The following PACS1 variants were observed in gnomAD, a reference collection of about 807,000 sequenced individuals.
PACS1 encodes the protein PACS-1.
In PACS1, 24 loss-of-function variants were observed where a neutral mutation model predicts 115.0. The observed-to-expected ratio is 0.21, with a 90% CI of 0.15 to 0.29. The LOEUF (loss-of-function observed/expected upper bound fraction) is 0.29, where lower values mean the gene tolerates loss of function less well. PACS1 is among the 10% of genes least tolerant of loss of function. The probability of loss-of-function intolerance (pLI) is 1.00; values close to 1 mark genes in which losing one functional copy is unlikely to be tolerated. For missense variants in PACS1, 838 were observed against 1,251.2 expected (o/e 0.67, Z 4.98); for synonymous variants, 453 against 504.5 (o/e 0.90, Z 1.37).
intron 1 of PACS1, among the ~76,000 whole-genome samples, chr11:66,143,327 G>T (rs964264529): frequency 5.9e-5 from 9 of 152,192 alleles, no homozygotes; most frequent in Non-Finnish European, 2.9e-5. Flanking sequence ...AGCATCCCCT[G>T]TTGGAGCACT....
intron 1 of PACS1, among the ~76,000 whole-genome samples, chr11:66,190,919 C>T (rs541706962): frequency 2.0e-5 from 3 of 152,194 alleles, no homozygotes; most frequent in South Asian, 2.1e-4. Flanking sequence ...GCTGAGGAGG[C>T]GGTGACGTGA....
chr11:66,165,458 TA>T (rs1223416051), intron 1 of PACS1, among the ~76,000 whole-genome samples: 4 of 152,198 alleles, frequency 2.6e-5, no homozygotes, highest in Non-Finnish European at 5.9e-5. Context: ...CCTCGACTCC[TA>T]AATCTGTCTC....
At chr11:66,150,182 T>A (rs1859205765) in intron 1 of PACS1, among the ~76,000 whole-genome samples, 1 of 152,230 alleles carries the variant, frequency 6.6e-6, no homozygotes, top group African/African-American at 2.4e-5. Context: ...AAATAGTAAT[T>A]ATTCTCTACA....
intron 1 of PACS1, among the ~76,000 whole-genome samples, chr11:66,128,356 TA>T (rs1402240517): frequency 2.0e-5 from 3 of 152,232 alleles, no homozygotes; most frequent in Non-Finnish European, 4.4e-5. Flanking sequence ...GGATACATTT[TA>T]AAAGAATATC....
chr11:66,140,412 G>A (rs1199143956), intron 1 of PACS1, among the ~76,000 whole-genome samples: 1 of 152,144 alleles, frequency 6.6e-6, no homozygotes, highest in African/African-American at 2.4e-5. Context: ...CGCGTGACCT[G>A]CCTTGCTCAC....
chr11:66,094,890 A>G (rs2134518363), intron 1 of PACS1, among the ~76,000 whole-genome samples: 1 of 152,150 alleles, frequency 6.6e-6, no homozygotes. Context: ...GGCTGGTTCA[A>G]TATACACAAA....
intron 2 of PACS1, among the ~76,000 whole-genome samples, chr11:66,209,338 G>C (rs1855018448): frequency 6.6e-6 from 1 of 151,954 alleles, no homozygotes; most frequent in African/African-American, 2.4e-5. Context: ...GCAGTAAGAG[G>C]GCTGTCTAAC....
intron 1 of PACS1, among the ~76,000 whole-genome samples, chr11:66,125,893 A>G (rs750426444): frequency 1.3e-5 from 2 of 152,004 alleles, no homozygotes; most frequent in African/African-American, 4.8e-5. Flanking sequence ...TACAAAAATT[A>G]GTCATGCATG....
intron 1 of PACS1, among the ~76,000 whole-genome samples, chr11:66,179,172 G>A (rs1235007118): frequency 6.6e-6 from 1 of 152,096 alleles, no homozygotes; most frequent in Non-Finnish European, 1.5e-5. Context: ...CATTTTCTTT[G>A]TTACTAATGA....
At chr11:66,088,969 T>C (rs1306382251) in intron 1 of PACS1, among the ~76,000 whole-genome samples, 2 of 152,234 alleles carry the variant, frequency 1.3e-5, no homozygotes, top group Non-Finnish European at 2.9e-5. Context: ...TCCTATATAT[T>C]TGATATTTTT....
At chr11:66,213,599 C>T (rs1855129232) in intron 4 of PACS1, among the ~76,000 whole-genome samples, 1 of 152,250 alleles carries the variant, frequency 6.6e-6, no homozygotes, top group Non-Finnish European at 1.5e-5. Flanking sequence ...GTGCTCGTGT[C>T]TACACACGTC....
chr11:66,231,020 A>T, intron 13 of PACS1, 80 bp downstream of exon 13: 1 of 1,542,570 alleles, frequency 6.5e-7, no homozygotes, highest in Non-Finnish European at 8.9e-7. Context: ...GCTTCCTTGG[A>T]CAGTTAGTTG....
chr11:66,077,604 C>G (rs1857418532), intron 1 of PACS1, among the ~76,000 whole-genome samples: 1 of 151,944 alleles, frequency 6.6e-6, no homozygotes, highest in South Asian at 2.1e-4. Flanking sequence ...TCATTACTTT[C>G]CTTGTGTTGA....
intron 1 of PACS1, among the ~76,000 whole-genome samples, chr11:66,074,717 A>G (rs1390007282): frequency 1.3e-5 from 2 of 152,154 alleles, no homozygotes; most frequent in Non-Finnish European, 2.9e-5. Context: ...TGCTGAGGTC[A>G]AGCCTTAATG....
chr11:66,123,393 T>C (rs1240703831), intron 1 of PACS1, among the ~76,000 whole-genome samples: 1 of 152,120 alleles, frequency 6.6e-6, no homozygotes. Context: ...GGTTTTGCCA[T>C]GTTGGCCAGG....
At chr11:66,216,804 G>A in intron 7 of PACS1, 29 bp downstream of exon 7, 2 of 1,567,204 alleles carry the variant, frequency 1.3e-6, no homozygotes, top group Non-Finnish European at 1.7e-6. Flanking sequence ...GGGAGTGGTT[G>A]GCTAAGATTT....
intron 1 of PACS1, among the ~76,000 whole-genome samples, chr11:66,080,421 TG>T (rs1428630234): frequency 6.6e-6 from 1 of 151,568 alleles, no homozygotes; most frequent in Non-Finnish European, 1.5e-5. Flanking sequence ...GAACTGAGTG[TG>T]GGGGGAAAGG....
chr11:66,172,187 T>A (rs1345267943), intron 1 of PACS1, among the ~76,000 whole-genome samples: 2 of 152,248 alleles, frequency 1.3e-5, no homozygotes, highest in Non-Finnish European at 2.9e-5. Context: ...ATCCTTGATC[T>A]TCTTTCTGGG....
chr11:66,202,739 AAAAATATATAT>A (rs1289590706), intron 2 of PACS1, among the ~76,000 whole-genome samples: 1 of 73,044 alleles, frequency 1.4e-5, no homozygotes, highest in Non-Finnish European at 2.7e-5. Flanking sequence ...AAAAAAAAAA[AAAAATATATAT>A]ATATATATAT....
Sources: gnomAD v4.1 joint callset for allele counts (sites outside exome capture counted in the v4.1 genomes callset) on GRCh38, gnomAD v4.1.1 for gene constraint, MANE v1.5 for transcripts, NCBI Gene and HGNC (gene_info 2026-07-23, HGNC 2026-07-21) for gene names.